Variants in MAST4 observed in about 807,000 individuals in gnomAD.
MAST4 encodes the protein microtubule-associated serine/threonine-protein kinase 4.
In MAST4, 89 loss-of-function variants were observed where a neutral mutation model predicts 162.7. That is an observed-to-expected ratio of 0.55 (90% CI 0.46 to 0.65). The LOEUF is 0.65. Ranked by LOEUF, MAST4 falls within the 30% of genes least tolerant of loss-of-function variation. MAST4 has a pLI of 0.00. For missense variants in MAST4, 3,153 were observed against 3,374.0 expected, an observed-to-expected ratio of 0.93 and a Z score of 1.62; for synonymous variants, 1,479 against 1,361.1, an observed-to-expected ratio of 1.09 and a Z score of -1.91.
At chr5:66,724,462 G>T (rs925274372) in intron 1 of MAST4, among the ~76,000 whole-genome samples, 4 of 152,170 alleles carry the variant, frequency 2.6e-5, no homozygotes, top group Admixed American at 1.3e-4. Context: ...GGTAACAGGG[G>T]AGTGTATTTA....
intron 1 of MAST4, among the ~76,000 whole-genome samples, chr5:66,620,504 C>A (rs1744007393): frequency 1.3e-5 from 2 of 151,804 alleles, no homozygotes; most frequent in African/African-American, 4.8e-5. Context: ...TAACTGATAG[C>A]CTTTAAAAAA....
chr5:66,981,468 A>G (rs538687522), intron 4 of MAST4, among the ~76,000 whole-genome samples: 2 of 152,318 alleles, frequency 1.3e-5, no homozygotes, highest in East Asian at 1.9e-4. Flanking sequence ...ATAATCAATC[A>G]GCAGTATTTA....
At position 66,993,698 on chromosome 5, in the gene MAST4, T is replaced by A. The variant is rs40086; in HGVS notation, c.675-60706T>A. On this transcript the variant is annotated intron_variant, in intron 4 of 28. Coordinates refer to ENST00000403625, the MANE Select transcript of MAST4 (RefSeq NM_001164664.2). ...CTTACTGTGTCTGAGGAGCTTAAAGTAATCCAGTATTTCTGACAGGCACAT... is the reference window on the plus strand; with the variant it reads ...CTTACTGTGTCTGAGGAGCTTAAAGAAATCCAGTATTTCTGACAGGCACAT... Among the ~76,000 whole-genome samples the A allele has an allele frequency of 9.9e-3, 1,509 of 152,266 alleles. 16 individuals are homozygous for A. Among genetic ancestry groups the A allele is most frequent in the Non-Finnish European group, 0.017 (1,127 of 68,010 alleles).
intron 1 of MAST4, among the ~76,000 whole-genome samples, chr5:66,624,532 TAAAA>T (rs34002347): frequency 1.3e-5 from 2 of 151,680 alleles, no homozygotes; most frequent in Admixed American, 1.3e-4. Flanking sequence ...TTTACAGAAA[TAAAA>T]AAACTAACCC....
At chr5:66,999,776 AC>A (rs1295317873) in intron 4 of MAST4, among the ~76,000 whole-genome samples, 1 of 150,992 alleles carries the variant, frequency 6.6e-6, no homozygotes, top group Non-Finnish European at 1.5e-5. Context: ...AACCTCTCTT[AC>A]CTTGTGGCAT....
At chr5:67,161,285 T>G (rs1376321431) in intron 27 of MAST4, among the ~76,000 whole-genome samples, 3 of 151,962 alleles carry the variant, frequency 2.0e-5, no homozygotes, top group African/African-American at 7.3e-5. Flanking sequence ...GATAGAAATG[T>G]AGAAAAACAA....
At chr5:66,842,178 C>T (rs1758473863) in intron 3 of MAST4, among the ~76,000 whole-genome samples, 1 of 152,030 alleles carries the variant, frequency 6.6e-6, no homozygotes, top group South Asian at 2.1e-4. Flanking sequence ...TAATGTGGAA[C>T]CAGTAAAGGC....
At chr5:66,786,754 A>G (rs1755135940) in intron 2 of MAST4, among the ~76,000 whole-genome samples, 1 of 152,240 alleles carries the variant, frequency 6.6e-6, no homozygotes, top group South Asian at 2.1e-4. Flanking sequence ...TTAAAATTCT[A>G]GGCTTCAAAT....
intron 4 of MAST4, among the ~76,000 whole-genome samples, chr5:67,033,640 A>G (rs563477283): frequency 6.6e-6 from 1 of 152,240 alleles, no homozygotes; most frequent in South Asian, 2.1e-4. Context: ...GTTACATTAC[A>G]GTGATCTAGA....
Position 66,611,656 on chromosome 5 carries a change from A to T in MAST4, c.363+14638A>T, listed in dbSNP as rs962661595. ...TTTAAAAAATGATAAAGACAGTCTT[A>T]CCAGTTGATTTCATAATGAGAGGTG... On this transcript the variant is annotated intron_variant, in intron 1 of 28. Transcript: ENST00000403625. 2.2e-4 allele frequency among the ~76,000 whole-genome samples: 33 copies of T among 152,364 alleles called. 1 individual carries two copies. Among genetic ancestry groups the T allele is most frequent in the Middle Eastern group, 3.4e-3 (1 of 294 alleles).
chr5:67,127,194 CT>C (rs1768349804), intron 14 of MAST4, among the ~76,000 whole-genome samples: 2 of 152,216 alleles, frequency 1.3e-5, no homozygotes, highest in Non-Finnish European at 2.9e-5. Context: ...GGCAATTTGA[CT>C]TCCTCTTTTC....
chr5:66,894,521 G>T (rs1160353610), intron 3 of MAST4, among the ~76,000 whole-genome samples: 1 of 152,142 alleles, frequency 6.6e-6, no homozygotes, highest in East Asian at 1.9e-4. Context: ...ATCCCTAAAA[G>T]CACCTGATAT....
At chr5:67,039,478 G>A (rs868344238) in intron 4 of MAST4, among the ~76,000 whole-genome samples, 67 of 152,166 alleles carry the variant, frequency 4.4e-4, no homozygotes, top group African/African-American at 1.5e-3. Context: ...TTTAGGTTGG[G>A]TGTCTGGTGA....
intron 2 of MAST4, among the ~76,000 whole-genome samples, chr5:66,764,294 A>C (rs1354707952): frequency 6.6e-6 from 1 of 152,166 alleles, no homozygotes; most frequent in African/African-American, 2.4e-5. Flanking sequence ...CTTATGAAAG[A>C]CAGGAGCATG....
Position 66,597,157 on chromosome 5 carries a change from C to T in MAST4, c.363+139C>T, listed in dbSNP as rs538353390. 1.4e-5 allele frequency: 16 copies of T among 1,146,536 alleles called. No homozygotes were observed. In the East Asian group the frequency reaches 3.9e-4, roughly 28 times the overall value. 71.0% of individuals were successfully genotyped at this position (1,146,536 alleles called of 1,614,324 possible). A position where few individuals can be genotyped will look rare whatever the true frequency, so the allele number is the denominator to read the frequency against. The stretch of plus-strand genomic sequence containing the variant: ...GACCCCAAGCGCTCTGCCCCGAGCA[C>T]GGGACAACGATAGTTAGGAGCCCCC... On this transcript the variant is annotated intron_variant, in intron 1 of 28. Transcript: ENST00000403625.
chr5:66,627,258 G>A (rs1744498066), intron 1 of MAST4, among the ~76,000 whole-genome samples: 2 of 152,142 alleles, frequency 1.3e-5, no homozygotes, highest in African/African-American at 4.8e-5. Flanking sequence ...TCACTATCAC[G>A]AGAAAGGCAG....
intron 4 of MAST4, among the ~76,000 whole-genome samples, chr5:66,931,174 GA>G (rs942893272): frequency 2.6e-5 from 4 of 152,262 alleles, no homozygotes; most frequent in Non-Finnish European, 5.9e-5. Flanking sequence ...TTGGGGAACT[GA>G]GAAGGCAATT....
chr5:67,166,340 C>G lies in MAST4; in HGVS notation c.7161C>G (p.Leu2387=), dbSNP rs1401502660. The change falls in exon 29 of 29, where the codon CTC becomes CTG. Residue 2387 remains leucine, a synonymous_variant. Coordinates refer to ENST00000403625, the MANE Select transcript of MAST4 (RefSeq NM_001164664.2). ...ATGCTCCAGCAGAGGGCGACAAGCT[C>G]GAGGCCGGCCTTTCCTTTGTGCATA... ...ALYAPAEGDK[L]EAGLSFVHSE... 1.2e-6 allele frequency: 2 copies of G among 1,603,774 alleles called. No homozygotes were observed. The highest frequency in any genetic ancestry group is 1.7e-5 in the Admixed American group (1 of 58,632).
chr5:66,633,419 T>C (rs1744910637), intron 1 of MAST4, among the ~76,000 whole-genome samples: 2 of 152,170 alleles, frequency 1.3e-5, no homozygotes, highest in East Asian at 3.8e-4. Context: ...TTCATAGACA[T>C]GCAGTGATCT....
Sources: allele counts gnomAD v4.1 joint callset (sites outside exome capture counted in the v4.1 genomes callset), GRCh38; gene constraint gnomAD v4.1.1; transcripts MANE v1.5; gene names NCBI Gene and HGNC (gene_info 2026-07-23, HGNC 2026-07-21).